The following LDLRAD4 variants were observed in gnomAD, a reference collection of about 807,000 sequenced individuals.
LDLRAD4 encodes low-density lipoprotein receptor class A domain-containing protein 4.
LDLRAD4 carries 5 observed loss-of-function variants against 17.0 expected under a neutral mutation model. The ratio of observed to expected loss-of-function variants is 0.29; its 90% confidence interval spans 0.15 to 0.62. LDLRAD4 has a LOEUF of 0.62. Among genes scored for constraint, LDLRAD4 ranks in the 20% least tolerant of loss-of-function variants. The pLI is 0.84. For missense variants in LDLRAD4, 340 were observed against 424.7 expected (o/e 0.80, Z 1.75); for synonymous variants, 168 against 171.8 (o/e 0.98, Z 0.17).
At chr18:13,558,491 A>C in intron 3 of LDLRAD4, among the ~76,000 whole-genome samples, 1 of 152,234 alleles carries the variant, frequency 6.6e-6, no homozygotes, top group South Asian at 2.1e-4. Context: ...TAAAGCATTA[A>C]AGCAGTAATA....
chr18:13,233,241 C>T (rs536396597), intron 1 of LDLRAD4, among the ~76,000 whole-genome samples: 5 of 152,242 alleles, frequency 3.3e-5, no homozygotes, highest in African/African-American at 7.2e-5. Context: ...CGTTCAGATA[C>T]GTTCTCTGCT....
chr18:13,306,255 C>T (rs2046907110), intron 1 of LDLRAD4, among the ~76,000 whole-genome samples: 1 of 152,234 alleles, frequency 6.6e-6, no homozygotes, highest in African/African-American at 2.4e-5. Context: ...AGGACGGCCC[C>T]TGAGCCTTGA....
At chr18:13,250,315 CTT>C (rs2043168996) in intron 1 of LDLRAD4, among the ~76,000 whole-genome samples, 1 of 151,576 alleles carries the variant, frequency 6.6e-6, no homozygotes, top group Non-Finnish European at 1.5e-5. Flanking sequence ...CCATATGAAA[CTT>C]TGGCTTTTTT....
intron 3 of LDLRAD4, chr18:13,489,453 C>T (rs1302048720): frequency 6.6e-6 from 1 of 152,316 alleles, no homozygotes; most frequent in Non-Finnish European, 1.5e-5. Context: ...GTGCCTGGCC[C>T]AGTGTCACCC....
intron 4 of LDLRAD4, among the ~76,000 whole-genome samples, chr18:13,640,190 G>A (rs1166594828): frequency 6.6e-6 from 1 of 151,536 alleles, no homozygotes; most frequent in Non-Finnish European, 1.5e-5. Context: ...CTACTCGGTA[G>A]GCTGAGGCGG....
chr18:13,370,714 T>TTTTTTTTGTTTTTTG (rs2084411284), intron 1 of LDLRAD4, among the ~76,000 whole-genome samples: 3 of 29,240 alleles, frequency 1.0e-4, no homozygotes, highest in East Asian at 4.6e-4. Flanking sequence ...TTTTGTTTTG[T>TTTTTTTTGTTTTTTG]TTTTTTTTTT....
Position 13,568,934 on chromosome 18 carries a change from A to G in LDLRAD4, c.182-52183A>G, listed in dbSNP as rs1165364984. On this transcript the variant is annotated intron_variant, in intron 3 of 5. Coordinates refer to ENST00000359446, the Ensembl canonical transcript of LDLRAD4. ...AGACCCTCATACCCCACCTTCACCA[A>G]TCCCTTGGTCATGAAGGATGTTGGC... Among the ~76,000 whole-genome samples, 3 of 152,058 alleles carry G rather than the reference A, an allele frequency of 2.0e-5. No homozygotes were observed. The East Asian group carries it at 5.8e-4, about 29-fold the overall frequency.
intron 1 of LDLRAD4, among the ~76,000 whole-genome samples, chr18:13,237,168 G>C (rs2042378455): frequency 6.6e-6 from 1 of 152,230 alleles, no homozygotes; most frequent in African/African-American, 2.4e-5. Flanking sequence ...GCCAGTCCGA[G>C]TCCTGCTCCC....
In LDLRAD4 at chr18:13,225,132, G is replaced by C. The variant is rs549253722; in HGVS notation, c.-467+6144G>C. Reference sequence around the variant, plus strand: ...ATTACAGGTGTGAGCCACTGCGCCAGGCCAAGAGTCTCTGTTTTGCTCCAT... The same window carrying C: ...ATTACAGGTGTGAGCCACTGCGCCACGCCAAGAGTCTCTGTTTTGCTCCAT... On this transcript the variant is annotated intron_variant, in intron 1 of 5. Coordinates refer to the LDLRAD4 transcript ENST00000399848. Among the ~76,000 whole-genome samples the C allele has an allele frequency of 1.6e-4, 25 of 152,312 alleles. No individual in the cohort carries two copies. In the East Asian group the frequency reaches 4.6e-3, roughly 28 times the overall value.
intron 1 of LDLRAD4, among the ~76,000 whole-genome samples, chr18:13,249,596 T>TA (rs1375401524): frequency 7.4e-6 from 1 of 135,134 alleles, no homozygotes; most frequent in African/African-American, 3.1e-5. Flanking sequence ...AAATTAGATC[T>TA]TTTTTTTTTT....
chr18:13,321,072 G>A (rs1463455169), intron 1 of LDLRAD4, among the ~76,000 whole-genome samples: 5 of 152,192 alleles, frequency 3.3e-5, no homozygotes, highest in African/African-American at 1.2e-4. Context: ...CCGCCCTCTT[G>A]TGTTGATGAA....
At chr18:13,311,977 G>A (rs1007599937) in intron 1 of LDLRAD4, among the ~76,000 whole-genome samples, 3 of 151,930 alleles carry the variant, frequency 2.0e-5, no homozygotes, top group South Asian at 2.1e-4. Context: ...GACTACAGGC[G>A]CCCACCACCA....
At chr18:13,564,700 G>C (rs1568345949) in intron 3 of LDLRAD4, among the ~76,000 whole-genome samples, 3 of 151,430 alleles carry the variant, frequency 2.0e-5, no homozygotes, top group Non-Finnish European at 2.9e-5. Context: ...CTGCGCTGCC[G>C]CCCCCCTTCC....
At chr18:13,482,892 T>C (rs543324967) in intron 3 of LDLRAD4, among the ~76,000 whole-genome samples, 2 of 152,312 alleles carry the variant, frequency 1.3e-5, no homozygotes, top group South Asian at 4.1e-4. Flanking sequence ...CTCTCCTATG[T>C]TAAGAGTTAA....
At chr18:13,307,134 T>G (rs2046960131) in intron 1 of LDLRAD4, among the ~76,000 whole-genome samples, 1 of 152,124 alleles carries the variant, frequency 6.6e-6, no homozygotes, top group Non-Finnish European at 1.5e-5. Context: ...TTGGTGCTGT[T>G]TAGAAACACT....
chr18:13,322,763 A>G (rs1269796751), intron 1 of LDLRAD4, among the ~76,000 whole-genome samples: 1 of 147,850 alleles, frequency 6.8e-6, no homozygotes, highest in Non-Finnish European at 1.5e-5. Context: ...GACTACAGGT[A>G]TACACCACCA....
intron 1 of LDLRAD4, among the ~76,000 whole-genome samples, chr18:13,253,578 T>A (rs13380946): frequency 0.15 from 22,324 of 152,016 alleles, 3,433 homozygotes; most frequent in African/African-American, 0.39. Flanking sequence ...TGGGGTTGAT[T>A]TCTAGTGGGA....
At chr18:13,279,763 A>AT (rs1341610475) in intron 1 of LDLRAD4, 2 of 152,268 alleles carry the variant, frequency 1.3e-5, no homozygotes, top group Non-Finnish European at 2.9e-5. Context: ...CAGAGCAGCT[A>AT]AAGAAGAAAT....
intron 3 of LDLRAD4, among the ~76,000 whole-genome samples, chr18:13,528,033 T>C (rs1013077578): frequency 1.3e-5 from 2 of 152,230 alleles, no homozygotes; most frequent in Admixed American, 6.5e-5. Flanking sequence ...TCCTAGTGAC[T>C]GTCGTCTGCC....
Sources: allele counts gnomAD v4.1 joint callset (sites outside exome capture counted in the v4.1 genomes callset), GRCh38; gene constraint gnomAD v4.1.1; transcripts MANE v1.5; gene names NCBI Gene and HGNC (gene_info 2026-07-23, HGNC 2026-07-21).